Variants in CFLAR observed in about 807,000 individuals in gnomAD.
The protein encoded by CFLAR is CASP8 and FADD like apoptosis regulator, also known as CASP8 and FADD-like apoptosis regulator.
A neutral mutation model predicts 51.1 loss-of-function variants in CFLAR; 14 were observed. The observed-to-expected ratio is 0.27, with a 90% confidence interval of 0.18 to 0.43. The LOEUF is 0.43. CFLAR is among the 20% of genes least tolerant of loss of function. The probability of loss-of-function intolerance (pLI) is 1.00; values close to 1 mark genes in which losing one functional copy is unlikely to be tolerated. For synonymous variants in CFLAR, 210 were observed against 211.6 expected, an observed-to-expected ratio of 0.99 and a Z score of 0.06; for missense variants, 390 against 566.5, an observed-to-expected ratio of 0.69 and a Z score of 3.16.
At position 201,169,509 on chromosome 2, in the gene CFLAR, G is replaced by A. The variant is rs1943881442; in HGVS notation, c.*5536G>A. 2 of 152,096 alleles carry A rather than the reference G, an allele frequency of 1.3e-5. No individual in the cohort carries two copies. Among genetic ancestry groups the A allele is most frequent in the African/African-American group, 4.8e-5 (2 of 41,422 alleles). The allele number at this position is 152,096 out of a possible 1,614,324, so 9.4% of individuals were successfully genotyped here. On this transcript the variant is annotated 3_prime_UTR_variant, in exon 10 of 10. Transcript: ENST00000309955. ...ACCTAAAACTATAAAAACCCTAGAA[G>A]AAAATCTATTTAATACCATTCAAGA...
rs752280376 is a variant in CFLAR at position 201,137,849 on chromosome 2, G to A, written c.523+1742G>A. ...CCTGGTACTTCTTGAGCTGCATTCC[G>A]TCTGAGAAGAAGCACTCGCCGGGGG... On this transcript the variant is annotated intron_variant, in intron 4 of 9. Transcript: ENST00000309955. The A allele has an allele frequency of 9.4e-5, 90 of 956,684 alleles. 1 individual carries two copies. The highest frequency in any genetic ancestry group is 3.0e-4 in the Middle Eastern group (1 of 3,292). 59.3% of individuals were successfully genotyped at this position (956,684 alleles called of 1,614,324 possible).
chr2:201,160,149 G>A (rs1942831474), intron 8 of CFLAR, among the ~76,000 whole-genome samples: 1 of 152,138 alleles, frequency 6.6e-6, no homozygotes, highest in African/African-American at 2.4e-5. Flanking sequence ...TCCCCCCTTG[G>A]TTTGATTGGA....
At chr2:201,135,263 A>G (rs962461499) in intron 3 of CFLAR, among the ~76,000 whole-genome samples, 1 of 152,332 alleles carries the variant, frequency 6.6e-6, no homozygotes, top group South Asian at 2.1e-4. Flanking sequence ...TTTTTCTCAT[A>G]AAGTCTTTCC....
At position 201,168,704 on chromosome 2, in the gene CFLAR, ATATC is replaced by A. The variant is rs1367915122; in HGVS notation, c.*4734_*4737del. 9.9e-5 allele frequency: 15 copies of A among 152,204 alleles called. No homozygotes were observed. The highest frequency in any genetic ancestry group is 2.7e-4 in the African/African-American group (11 of 41,438). 9.4% of individuals were successfully genotyped at this position (152,204 alleles called of 1,614,324 possible). On this transcript the variant is annotated 3_prime_UTR_variant, in exon 10 of 10. Transcript: ENST00000309955. ...CTGTGTTTGCAGATGACATGATACT[ATATC>A]TAGAAAACCCCATTATCTCCACCCA...
chr2:201,160,874 G>A lies in CFLAR; in HGVS notation c.1236G>A (p.Leu412=), dbSNP rs1275080509. The change falls in exon 9 of 10, where the codon CTG becomes CTA. Residue 412 remains leucine (L), a synonymous_variant. Transcript: ENST00000309955. The part of the protein sequence containing the change: ...FWSLCTADMS[L]LEQSHSSPSL... ...GCCTGTGTACTGCGGACATGTCCCT[G>A]CTGGAGCAGTCTCACAGCTCACCAT... 6.2e-7 allele frequency: 1 copy of A among 1,612,740 alleles called. No homozygotes were observed. Among genetic ancestry groups the A allele is most frequent in the Admixed American group, 1.7e-5 (1 of 59,960 alleles).
At position 201,138,671 on chromosome 2, in the gene CFLAR, A is replaced by T. The variant is rs566749276; in HGVS notation, c.524-1686A>T. The T allele has an allele frequency of 1.8e-5, 18 of 1,007,072 alleles. No homozygotes were observed. The African/African-American group carries it at 2.2e-4, about 12-fold the overall frequency. The allele number at this position is 1,007,072 out of a possible 1,614,324, so 62.4% of individuals were successfully genotyped here. On this transcript the variant is annotated intron_variant, in intron 4 of 9. Coordinates refer to ENST00000309955, the MANE Select transcript of CFLAR (RefSeq NM_003879.7). The surrounding 1 kb of genome is among the most constrained non-coding windows in gnomAD (Gnocchi z 4.0). ...CATGACGCATCTTGGCCTCCAACAC[A>T]TCACCCACAGTGTGCAAGGGGCTCA...
intron 1 of CFLAR, among the ~76,000 whole-genome samples, chr2:201,123,354 CAA>C (rs1421481696): frequency 6.6e-6 from 1 of 152,154 alleles, no homozygotes; most frequent in African/African-American, 2.4e-5. Flanking sequence ...TTATAAAAAA[CAA>C]ATTTATTTCT....
At position 201,139,000 on chromosome 2, in the gene CFLAR, G is replaced by A. The variant is rs1391339831; in HGVS notation, c.524-1357G>A. On this transcript the variant is annotated intron_variant, in intron 4 of 9. Transcript: ENST00000309955. This position sits in a 1 kb window ranked among gnomAD's most constrained non-coding sequence, Gnocchi z 4.0. ...GGTCACTGGCGAAGAGCTGCTGCAC[G>A]GTGTGGGGAAAAGAAAGAGAGATCA... The A allele has an allele frequency of 1.6e-5, 8 of 515,932 alleles. No individual in the cohort carries two copies. The highest frequency in any genetic ancestry group is 2.3e-5 in the Non-Finnish European group (6 of 264,764). The allele number at this position is 515,932 out of a possible 1,614,324, so 32.0% of individuals were successfully genotyped here.
At chr2:201,155,602 A>G (rs1942040181) in intron 8 of CFLAR, among the ~76,000 whole-genome samples, 1 of 151,786 alleles carries the variant, frequency 6.6e-6, no homozygotes. Flanking sequence ...GCTCTTTCTG[A>G]AAAGCTTGAA....
intron 2 of CFLAR, among the ~76,000 whole-genome samples, chr2:201,131,713 T>G (rs930083760): frequency 6.6e-6 from 1 of 152,060 alleles, no homozygotes; most frequent in Admixed American, 6.6e-5. Flanking sequence ...GTTTGTTTGT[T>G]TGTTTTTGAG....
rs1185428914 is a variant in CFLAR at position 201,167,891 on chromosome 2, A to T, written c.*3918A>T. 2.0e-5 allele frequency: 3 copies of T among 152,230 alleles called. No homozygotes were observed. The highest frequency in any genetic ancestry group is 2.0e-4 in the Admixed American group (3 of 15,280). 9.4% of individuals were successfully genotyped at this position (152,230 alleles called of 1,614,324 possible). On this transcript the variant is annotated 3_prime_UTR_variant, in exon 10 of 10. Coordinates refer to ENST00000309955, the MANE Select transcript of CFLAR (RefSeq NM_003879.7). Reference sequence around the variant, plus strand: ...GGACTTTTATGTGAGGGGAAAAAAAATTGACAGTTTATATTTATCTCAACC... The same window carrying T: ...GGACTTTTATGTGAGGGGAAAAAAATTTGACAGTTTATATTTATCTCAACC...
chr2:201,138,550 CCTT>C lies in CFLAR; in HGVS notation c.524-1804_524-1802del. 7.5e-6 allele frequency: 12 copies of C among 1,591,410 alleles called. No homozygotes were observed. The highest frequency in any genetic ancestry group is 1.1e-5 in the South Asian group (1 of 90,822). On this transcript the variant is annotated intron_variant, in intron 4 of 9. Coordinates refer to ENST00000309955, the MANE Select transcript of CFLAR (RefSeq NM_003879.7). This position sits in a 1 kb window ranked among gnomAD's most constrained non-coding sequence, Gnocchi z 4.0. The stretch of plus-strand genomic sequence containing the variant: ...ACCTCACTGAGGAGGGTGGTGTGGT[CCTT>C]CTCAGCAAGAAAGTCGATGTCTCGG...
At chr2:201,150,654 C>G (rs1274734534) in intron 8 of CFLAR, among the ~76,000 whole-genome samples, 1 of 152,086 alleles carries the variant, frequency 6.6e-6, no homozygotes, top group Non-Finnish European at 1.5e-5. Context: ...TCTACAGAGT[C>G]CCTTGCATCT....
chr2:201,137,478 G>T (rs1262836479), intron 4 of CFLAR: 4 of 566,732 alleles, frequency 7.1e-6, no homozygotes, highest in Non-Finnish European at 1.3e-5. Flanking sequence ...GGACACTGGG[G>T]TGCACTCCCT....
chr2:201,157,000 A>G (rs893407495), intron 8 of CFLAR, among the ~76,000 whole-genome samples: 4 of 152,220 alleles, frequency 2.6e-5, no homozygotes, highest in East Asian at 1.9e-4. Context: ...TCCAGGTCCT[A>G]AGAGAGAGAT....
chr2:201,162,950 C>T (rs376301984), intron 9 of CFLAR: 68 of 701,262 alleles, frequency 9.7e-5, no homozygotes, highest in Non-Finnish European at 1.6e-4. Context: ...AAGTATTAAA[C>T]ATCCTTGTAA....
intron 1 of CFLAR, among the ~76,000 whole-genome samples, chr2:201,123,598 C>T (rs1253612296): frequency 6.6e-6 from 1 of 152,200 alleles, no homozygotes; most frequent in Non-Finnish European, 1.5e-5. Flanking sequence ...GAATGATCAC[C>T]TCTTAAAGGC....
Position 201,139,202 on chromosome 2 carries a change from G to A in CFLAR, c.524-1155G>A, listed in dbSNP as rs1937744992. ...GTTAAGTGGATTAAGGGCTGTGCAA[G>A]ATGTGCTTTGTTAAACAGATGCTTG... On this transcript the variant is annotated intron_variant, in intron 4 of 9. Transcript: ENST00000309955. 3 of 366,926 alleles carry A rather than the reference G, an allele frequency of 8.2e-6. No homozygotes were observed. The Admixed American group carries it at 1.2e-4, about 14-fold the overall frequency. 22.7% of individuals were successfully genotyped at this position (366,926 alleles called of 1,614,324 possible). A position where few individuals can be genotyped will look rare whatever the true frequency, so the allele number is the denominator to read the frequency against.
intron 8 of CFLAR, 46 bp from the exon 9 acceptor site, chr2:201,160,386 C>G: frequency 6.3e-7 from 1 of 1,581,134 alleles, no homozygotes; most frequent in Non-Finnish European, 8.6e-7. Context: ...CTTGAGCTCT[C>G]CTCACTCCAG....
Sources: allele counts gnomAD v4.1 joint callset (sites outside exome capture counted in the v4.1 genomes callset), GRCh38; gene constraint gnomAD v4.1.1; non-coding constraint Gnocchi (gnomAD v3.1); transcripts MANE v1.5; gene names NCBI Gene and HGNC (gene_info 2026-07-23, HGNC 2026-07-21).